Variants in AFG2A observed in about 807,000 individuals in gnomAD.
AFG2A encodes the protein AAA ATPase AFG2A.
the AFG2A span, among the ~76,000 whole-genome samples, chr4:123,143,949 G>A: frequency 6.6e-6 from 1 of 151,208 alleles, no homozygotes; most frequent in Non-Finnish European, 1.5e-5. Context: ...GTTTTGTAAG[G>A]GCTATATAAT....
the AFG2A span, among the ~76,000 whole-genome samples, chr4:123,307,142 A>G: frequency 1.3e-5 from 2 of 152,196 alleles, no homozygotes; most frequent in Non-Finnish European, 1.5e-5. Flanking sequence ...GAATTCCCCC[A>G]TCACTGAAAC....
At chr4:123,076,056 G>A in the AFG2A span, among the ~76,000 whole-genome samples, 1 of 151,812 alleles carries the variant, frequency 6.6e-6, no homozygotes, top group South Asian at 2.1e-4. Context: ...ACTTTGGGAG[G>A]CCACAGGAGT....
the AFG2A span, among the ~76,000 whole-genome samples, chr4:123,288,547 C>T: frequency 6.6e-6 from 1 of 152,148 alleles, no homozygotes; most frequent in Non-Finnish European, 1.5e-5. Context: ...TTAAACAACA[C>T]CTGCAGTATC....
At chr4:123,154,310 T>A in the AFG2A span, among the ~76,000 whole-genome samples, 1 of 152,076 alleles carries the variant, frequency 6.6e-6, no homozygotes. Context: ...GTAATATTCA[T>A]CAAAGTATAT....
the AFG2A span, among the ~76,000 whole-genome samples, chr4:123,158,372 G>C: frequency 0.61 from 92,570 of 152,014 alleles, 33,040 homozygotes; most frequent in East Asian, 0.97. Flanking sequence ...TCAGAGCAAA[G>C]GTTTTTTTTG....
chr4:123,296,845 A>T, the AFG2A span, among the ~76,000 whole-genome samples: 1 of 152,188 alleles, frequency 6.6e-6, no homozygotes, highest in Non-Finnish European at 1.5e-5. Flanking sequence ...TTTTCTAAGG[A>T]GAAAGAATTG....
chr4:123,066,626 A>AT, the AFG2A span, among the ~76,000 whole-genome samples: 1 of 152,112 alleles, frequency 6.6e-6, no homozygotes, highest in Non-Finnish European at 1.5e-5. Flanking sequence ...TTTATGAAGA[A>AT]TTTTTTTATG....
chr4:123,220,183 T>C, the AFG2A span, among the ~76,000 whole-genome samples: 1 of 152,148 alleles, frequency 6.6e-6, no homozygotes, highest in Non-Finnish European at 1.5e-5. Context: ...ATCTTAAATC[T>C]ATACTATAGA....
the AFG2A span, among the ~76,000 whole-genome samples, chr4:123,083,570 T>C: frequency 6.6e-5 from 10 of 151,314 alleles, no homozygotes; most frequent in Admixed American, 2.6e-4. Flanking sequence ...TTTTTTTTTT[T>C]TTTCTTTTTT....
the AFG2A span, among the ~76,000 whole-genome samples, chr4:123,046,700 A>G: frequency 1.3e-5 from 2 of 152,138 alleles, no homozygotes; most frequent in African/African-American, 2.4e-5. Context: ...GTTGTTAACT[A>G]TGATGTCTCT....
At chr4:122,975,565 C>G in the AFG2A span, among the ~76,000 whole-genome samples, 2 of 152,220 alleles carry the variant, frequency 1.3e-5, no homozygotes, top group Middle Eastern at 3.4e-3. Flanking sequence ...AGAGTAGCAG[C>G]ATTTGCACCA....
the AFG2A span, among the ~76,000 whole-genome samples, chr4:123,286,211 A>G: frequency 6.6e-6 from 1 of 152,328 alleles, no homozygotes; most frequent in East Asian, 1.9e-4. Context: ...AGAGCTGGTA[A>G]GTTTGTAGCT....
chr4:123,190,648 A>G, the AFG2A span, among the ~76,000 whole-genome samples: 1 of 152,252 alleles, frequency 6.6e-6, no homozygotes, highest in East Asian at 1.9e-4. Context: ...CACAGGAATG[A>G]AAGAAGAATT....
chr4:123,313,872 T>C, the AFG2A span: 12 of 1,539,912 alleles, frequency 7.8e-6, no homozygotes, highest in Admixed American at 2.2e-5. Context: ...TATTTACTTA[T>C]TTTTTAAAAT....
the AFG2A span, among the ~76,000 whole-genome samples, chr4:123,147,504 A>T: frequency 3.3e-5 from 5 of 152,174 alleles, no homozygotes; most frequent in East Asian, 1.9e-4. Flanking sequence ...AGTTACAATT[A>T]AAAAAGATTT....
At chr4:123,091,167 T>C in the AFG2A span, among the ~76,000 whole-genome samples, 49 of 152,328 alleles carry the variant, frequency 3.2e-4, no homozygotes, top group African/African-American at 1.1e-3. Context: ...CCTGGGCTGT[T>C]CCAGCCGGTC....
At chr4:122,946,168 A>C in the AFG2A span, among the ~76,000 whole-genome samples, 3 of 152,248 alleles carry the variant, frequency 2.0e-5, no homozygotes, top group South Asian at 6.2e-4. Flanking sequence ...AAGCAGACCA[A>C]ATGTTTGTGT....
chr4:123,147,286 A>G, the AFG2A span, among the ~76,000 whole-genome samples: 1 of 152,050 alleles, frequency 6.6e-6, no homozygotes, highest in Non-Finnish European at 1.5e-5. Context: ...TTCACTTGTG[A>G]TGGGGGTGGA....
the AFG2A span, among the ~76,000 whole-genome samples, chr4:122,990,204 A>T: frequency 6.6e-6 from 1 of 152,080 alleles, no homozygotes; most frequent in African/African-American, 2.4e-5. Flanking sequence ...GTACTCTAAT[A>T]TCTCACTTGG....
Sources: gnomAD v4.1 joint callset for allele counts (sites outside exome capture counted in the v4.1 genomes callset) on GRCh38, gnomAD v4.1.1 for gene constraint, MANE v1.5 for transcripts, NCBI Gene and HGNC (gene_info 2026-07-23, HGNC 2026-07-21) for gene names.